The following EYS variants were observed in gnomAD, a reference collection of about 807,000 sequenced individuals.
The protein encoded by EYS is EGF-like photoreceptor maintenance factor.
A neutral mutation model predicts 282.1 loss-of-function variants in EYS; 250 were observed. The observed-to-expected ratio is 0.89, with a 90% confidence interval of 0.80 to 0.98. The LOEUF (loss-of-function observed/expected upper bound fraction) is 0.98. EYS is among the 50% of genes least tolerant of loss of function. The pLI is 0.00. For synonymous variants in EYS, 1,355 were observed against 1,282.9 expected, an observed-to-expected ratio of 1.06 and a Z score of -1.20; for missense variants, 4,016 against 3,709.0, an observed-to-expected ratio of 1.08 and a Z score of -2.15.
chr6:64,445,851 C>T (rs142312884), intron 26 of EYS, among the ~76,000 whole-genome samples: 49 of 152,138 alleles, frequency 3.2e-4, no homozygotes, highest in East Asian at 2.7e-3. Flanking sequence ...GAGATGAGGA[C>T]GGGCTCAGCT....
chr6:64,765,139 G>C (rs1184780741), intron 22 of EYS, among the ~76,000 whole-genome samples: 2 of 152,202 alleles, frequency 1.3e-5, no homozygotes, highest in Non-Finnish European at 2.9e-5. Context: ...TAAATGGTTT[G>C]CTGCTTAGAA....
intron 36 of EYS, among the ~76,000 whole-genome samples, chr6:63,863,221 A>G (rs1474517938): frequency 6.6e-6 from 1 of 152,234 alleles, no homozygotes; most frequent in Non-Finnish European, 1.5e-5. Flanking sequence ...GTGTTGATTA[A>G]CTATTAATAC....
intron 36 of EYS, among the ~76,000 whole-genome samples, chr6:63,814,789 ATCTG>A (rs1771138461): frequency 6.6e-6 from 1 of 152,222 alleles, no homozygotes; most frequent in South Asian, 2.1e-4. Flanking sequence ...TAATCATAGT[ATCTG>A]CAATACATTA....
At position 65,020,007 on chromosome 6, in the gene EYS, C is replaced by A. The variant is rs187207196; in HGVS notation, c.2138-22304G>T. Among the ~76,000 whole-genome samples, 362 of 152,188 alleles carry A rather than the reference C, an allele frequency of 2.4e-3. 5 individuals carry two copies. Among genetic ancestry groups the A allele is most frequent in the Non-Finnish European group, 3.2e-4 (22 of 68,016 alleles). On this transcript the variant is annotated intron_variant, in intron 13 of 42. Coordinates refer to ENST00000503581, the MANE Select transcript of EYS (RefSeq NM_001142800.2). ...GAGAACGGCAAGAGAGTAACCCACCCCCATGATTCAATTACCTCACACCAG... is the reference window on the plus strand; with the variant it reads ...GAGAACGGCAAGAGAGTAACCCACCACCATGATTCAATTACCTCACACCAG...
chr6:64,241,677 G>GTA (rs1766838061), intron 30 of EYS, among the ~76,000 whole-genome samples: 1 of 151,688 alleles, frequency 6.6e-6, no homozygotes, highest in Non-Finnish European at 1.5e-5. Context: ...GTGTGTGTGT[G>GTA]TGTGTCTCTT....
In EYS at chr6:64,592,695, A is replaced by T. The variant is rs985577990; in HGVS notation, c.3877+422T>A. 4.6e-5 allele frequency among the ~76,000 whole-genome samples: 7 copies of T among 152,160 alleles called. No homozygotes were observed. The South Asian group carries it at 1.2e-3, about 27-fold the overall frequency. ...AAAACAGCCTGAAGTTGTTAAAATAATTCACAATAGGAAAATAAGCACATA... is the reference window on the plus strand; with the variant it reads ...AAAACAGCCTGAAGTTGTTAAAATATTTCACAATAGGAAAATAAGCACATA... On this transcript the variant is annotated intron_variant, in intron 25 of 42. Coordinates refer to ENST00000503581, the MANE Select transcript of EYS (RefSeq NM_001142800.2).
chr6:64,236,606 C>T (rs542746024), intron 30 of EYS, among the ~76,000 whole-genome samples: 2 of 152,102 alleles, frequency 1.3e-5, no homozygotes, highest in Admixed American at 1.3e-4. Context: ...CTTTTTTTGA[C>T]TTTTAAAACA....
chr6:63,777,386 C>G (rs1429703634), intron 40 of EYS, among the ~76,000 whole-genome samples: 1 of 152,100 alleles, frequency 6.6e-6, no homozygotes, highest in African/African-American at 2.4e-5. Context: ...CTTTAGCTGT[C>G]TTATACATGT....
chr6:65,351,521 C>T (rs928571251), intron 9 of EYS, among the ~76,000 whole-genome samples: 4 of 151,718 alleles, frequency 2.6e-5, no homozygotes, highest in Admixed American at 6.6e-5. Flanking sequence ...AGCAATTTGA[C>T]TTACTATTAC....
intron 24 of EYS, among the ~76,000 whole-genome samples, chr6:64,594,764 A>G (rs1766526605): frequency 6.6e-6 from 1 of 151,882 alleles, no homozygotes; most frequent in African/African-American, 2.4e-5. Flanking sequence ...TGGGTGCAGC[A>G]CACCAACATG....
At chr6:64,389,935 G>T (rs1428937888) in intron 28 of EYS, among the ~76,000 whole-genome samples, 2 of 151,054 alleles carry the variant, frequency 1.3e-5, no homozygotes, top group African/African-American at 4.9e-5. Context: ...GCCAGCCGAA[G>T]CAGGGCAAGG....
chr6:64,685,761 CCA>C (rs1770074038), intron 22 of EYS, among the ~76,000 whole-genome samples: 1 of 152,034 alleles, frequency 6.6e-6, no homozygotes, highest in African/African-American at 2.4e-5. Context: ...TGTAAGAGAC[CCA>C]CACTCAGTAT....
At chr6:65,069,146 A>G (rs1773835022) in intron 12 of EYS, among the ~76,000 whole-genome samples, 1 of 152,008 alleles carries the variant, frequency 6.6e-6, no homozygotes. Context: ...TCAAGCTTGA[A>G]GTTTTGGGGG....
intron 11 of EYS, among the ~76,000 whole-genome samples, chr6:65,323,112 A>AT (rs1361301881): frequency 6.8e-6 from 1 of 146,530 alleles, no homozygotes; most frequent in Non-Finnish European, 1.5e-5. Flanking sequence ...CTTAAAATAC[A>AT]TTTTTTATTG....
intron 41 of EYS, among the ~76,000 whole-genome samples, chr6:63,758,498 A>G (rs1769551918): frequency 6.6e-6 from 1 of 151,918 alleles, no homozygotes. Flanking sequence ...AGTTCTAGTT[A>G]TATGCTAGGC....
At chr6:65,007,089 CTT>C (rs1397524670) in intron 13 of EYS, among the ~76,000 whole-genome samples, 1 of 152,088 alleles carries the variant, frequency 6.6e-6, no homozygotes, top group African/African-American at 2.4e-5. Flanking sequence ...TCCTGGATCC[CTT>C]TTTTTGTGGT....
intron 22 of EYS, among the ~76,000 whole-genome samples, chr6:64,777,000 G>A (rs2149990513): frequency 6.6e-6 from 1 of 152,278 alleles, no homozygotes; most frequent in Non-Finnish European, 1.5e-5. Flanking sequence ...TTACAATCAT[G>A]ACAGAAGGCA....
At chr6:65,410,212 TAAAAC>T (rs1171563428) in intron 5 of EYS, among the ~76,000 whole-genome samples, 1 of 152,078 alleles carries the variant, frequency 6.6e-6, no homozygotes, top group African/African-American at 2.4e-5. Context: ...ATAAAATTCT[TAAAAC>T]AAAACCTGAA....
At chr6:64,958,615 G>A (rs1390958454) in intron 14 of EYS, among the ~76,000 whole-genome samples, 5 of 149,618 alleles carry the variant, frequency 3.3e-5, no homozygotes, top group Non-Finnish European at 7.4e-5. Flanking sequence ...GGCGCCTGTA[G>A]TCCCAGCTAC....
Sources: allele counts gnomAD v4.1 joint callset (sites outside exome capture counted in the v4.1 genomes callset), GRCh38; gene constraint gnomAD v4.1.1; transcripts MANE v1.5; gene names NCBI Gene and HGNC (gene_info 2026-07-23, HGNC 2026-07-21).